Variants in TMEM109 observed in about 807,000 individuals in gnomAD.
TMEM109 encodes the protein voltage-gated monoatomic cation channel TMEM109.
In TMEM109, 19 loss-of-function variants were observed where a neutral mutation model predicts 26.4. The ratio of observed to expected loss-of-function variants is 0.72; its 90% CI spans 0.50 to 1.06. TMEM109 has a LOEUF of 1.06. TMEM109 is among the 50% of genes least tolerant of loss of function. TMEM109 has a pLI of 0.00. For synonymous variants in TMEM109, 129 were observed against 142.0 expected (o/e 0.91, Z 0.65); for missense variants, 262 against 303.4 (o/e 0.86, Z 1.01).
rs1856251059 is a variant in TMEM109, at chr11:60,922,152, TGGA to T, written c.727_729del (p.Glu243del). 2.0e-5 allele frequency: 32 copies of T among 1,593,684 alleles called. No individual in the cohort carries two copies. The highest frequency in any genetic ancestry group is 2.7e-5 in the Non-Finnish European group (32 of 1,170,268). ...CGAGCGGCCAAGGGGGCCCGCAGTGTGGAGGAGGAGTGAGCCGGATGCCCCACA... is the reference window on the plus strand; with the variant it reads ...CGAGCGGCCAAGGGGGCCCGCAGTGTGGAGGAGTGAGCCGGATGCCCCACA... On this transcript the variant is annotated inframe_deletion, in exon 4 of 4. Coordinates refer to ENST00000227525, the MANE Select transcript of TMEM109 (RefSeq NM_024092.3).
intron 2 of TMEM109, among the ~76,000 whole-genome samples, chr11:60,920,639 A>G (rs562889750): frequency 1.5e-4 from 23 of 152,194 alleles, no homozygotes; most frequent in Non-Finnish European, 2.5e-4. Context: ...TATGTCCCAG[A>G]TGCCCTAGTT....
rs1179966132 is a variant in TMEM109, at chr11:60,923,249, C to T, written c.*1084C>T. ...GTTAGGGGCCACTTTTCCTTTGAGGCTCTAGTGGAGGTGGATGTCCTTCTC... is the reference window on the plus strand; with the variant it reads ...GTTAGGGGCCACTTTTCCTTTGAGGTTCTAGTGGAGGTGGATGTCCTTCTC... On this transcript the variant is annotated 3_prime_UTR_variant, in exon 4 of 4. Transcript: ENST00000227525. The T allele has an allele frequency of 2.0e-5, 3 of 152,702 alleles. No homozygotes were observed. Among genetic ancestry groups the T allele is most frequent in the Non-Finnish European group, 4.4e-5 (3 of 68,058 alleles). 9.5% of individuals were successfully genotyped at this position (152,702 alleles called of 1,614,324 possible). A position where few individuals can be genotyped will look rare whatever the true frequency, so the allele number is the denominator to read the frequency against.
rs1856247671 is a variant in TMEM109 at position 60,922,048 on chromosome 11, C to G, written c.615C>G (p.Ser205=). ...CCCTGCTGAGCCGGCTCACTGGCTC[C>G]CGAGCCTCTGGGGCCCAACTCGAGG... The part of the protein sequence containing the change: ...LYALLSRLTG[S]RASGAQLEAK... Residue 205 remains serine (S), a synonymous_variant, in exon 4 of 4, where the codon TCC becomes TCG. Coordinates refer to ENST00000227525, the MANE Select transcript of TMEM109 (RefSeq NM_024092.3). 6.2e-7 allele frequency: 1 copy of G among 1,612,750 alleles called. No homozygotes were observed. Among genetic ancestry groups the G allele is most frequent in the Non-Finnish European group, 8.5e-7 (1 of 1,179,946 alleles).
intron 1 of TMEM109, among the ~76,000 whole-genome samples, chr11:60,916,694 G>A (rs1017056197): frequency 2.0e-5 from 3 of 152,226 alleles, no homozygotes; most frequent in African/African-American, 7.2e-5. Context: ...CAGAACATCA[G>A]TCTGCATAAC....
intron 1 of TMEM109, among the ~76,000 whole-genome samples, chr11:60,916,182 T>G (rs1007082315): frequency 1.3e-5 from 2 of 152,158 alleles, no homozygotes; most frequent in Non-Finnish European, 2.9e-5. Context: ...TGATCTTGGA[T>G]AAGTCACTCA....
In TMEM109 at chr11:60,920,943, C is replaced by T. The variant is rs375587740; in HGVS notation, c.295C>T (p.Leu99=). Residue 99 remains leucine, a synonymous_variant, in exon 3 of 4, where the codon CTG becomes TTG. Transcript: ENST00000227525. The stretch of plus-strand genomic sequence containing the variant: ...AGCCATTTCTGTGGCCTTCTTTGCT[C>T]TGTCTGGGATCGCCGCACAGCTGCT... The part of the protein sequence containing the change: ...SSAISVAFFA[L]SGIAAQLLNA... The T allele has an allele frequency of 6.2e-7, 1 of 1,614,200 alleles. No individual in the cohort carries two copies. Among genetic ancestry groups the T allele is most frequent in the Non-Finnish European group, 8.5e-7 (1 of 1,180,030 alleles).
At chr11:60,919,982 A>G in intron 2 of TMEM109, 52 bp downstream of exon 2, 2 of 1,530,208 alleles carry the variant, frequency 1.3e-6, no homozygotes, top group Non-Finnish European at 9.0e-7. Context: ...AAATAAAAGA[A>G]GAAAGGTTGG....
At chr11:60,917,831 T>C (rs1031463896) in intron 1 of TMEM109, among the ~76,000 whole-genome samples, 7 of 152,088 alleles carry the variant, frequency 4.6e-5, no homozygotes, top group Admixed American at 4.6e-4. Flanking sequence ...AATTTATTTA[T>C]TTATATTTAT....
In TMEM109 at chr11:60,920,915, A is replaced by T; in HGVS notation, c.267A>T (p.Ser89=). ...CGTCCCAAGTGTTGTGGGCCATCTC[A>T]TCAGCCATTTCTGTGGCCTTCTTTG... is the stretch of plus-strand genomic sequence containing the variant. ...ESSSQVLWAI[S]SAISVAFFAL... Residue 89 remains serine (S), a synonymous_variant, in exon 3 of 4, where the codon TCA becomes TCT. Coordinates refer to ENST00000227525, the MANE Select transcript of TMEM109 (RefSeq NM_024092.3). The T allele has an allele frequency of 6.2e-7, 1 of 1,613,660 alleles. No individual in the cohort carries two copies. Among genetic ancestry groups the T allele is most frequent in the Non-Finnish European group, 8.5e-7 (1 of 1,179,626 alleles).
intron 3 of TMEM109, 137 bp from the exon 4 acceptor site, chr11:60,921,637 C>T: frequency 1.4e-6 from 1 of 691,002 alleles, no homozygotes; most frequent in Admixed American, 2.4e-5. Flanking sequence ...AGATTCCAAC[C>T]CATATCACTC....
In TMEM109 at chr11:60,922,081, G is replaced by T; in HGVS notation, c.648G>T (p.Val216=). The change falls in exon 4 of 4, where the codon GTG becomes GTT. Residue 216 remains valine (V), a synonymous_variant. Transcript: ENST00000227525. ...CTGGGGCCCAACTCGAGGCCAAGGT[G>T]CGAGGGCTGGAACGCCAGGTGGAGG... ...RASGAQLEAK[V]RGLERQVEEL... 6.2e-7 allele frequency: 1 copy of T among 1,613,342 alleles called. No homozygotes were observed. Among genetic ancestry groups the T allele is most frequent in the Non-Finnish European group, 8.5e-7 (1 of 1,179,930 alleles).
At chr11:60,918,164 G>A (rs141184181) in intron 1 of TMEM109, among the ~76,000 whole-genome samples, 39 of 152,326 alleles carry the variant, frequency 2.6e-4, no homozygotes, top group East Asian at 7.7e-4. Context: ...TTAAATGAGC[G>A]CGGTGGTGCA....
At chr11:60,915,415 T>G (rs981811333) in intron 1 of TMEM109, among the ~76,000 whole-genome samples, 1 of 152,276 alleles carries the variant, frequency 6.6e-6, no homozygotes, top group Non-Finnish European at 1.5e-5. Context: ...GCTGCACTTT[T>G]GAAGCTTTGC....
rs764889781 is a variant in TMEM109, at chr11:60,919,716, C to T, written c.23C>T (p.Ser8Leu). Residue 8 changes from serine (S) to leucine (L), a missense_variant, in exon 2 of 4, where the codon TCA (serine) becomes TTA (leucine). Physicochemically the swap from Ser to Leu is moderately radical, Grantham distance 145. Transcript: ENST00000227525. ...GTCATGGCAGCCTCCAGCATCAGTT[C>T]ACCATGGGGAAAGCATGTGTTCAAA... is the stretch of plus-strand genomic sequence containing the variant. MAASSIS[S>L]PWGKHVFKAI... The T allele has an allele frequency of 6.2e-7, 1 of 1,614,196 alleles. No individual in the cohort carries two copies. The highest frequency in any genetic ancestry group is 8.5e-7 in the Non-Finnish European group (1 of 1,180,022).
At chr11:60,921,708 T>G in intron 3 of TMEM109, 66 bp from the exon 4 acceptor site, 1 of 1,301,800 alleles carries the variant, frequency 7.7e-7, no homozygotes. Flanking sequence ...CCCTTTTAGC[T>G]CTTGCCCCGC....
chr11:60,914,674 A>G (rs556891566), intron 1 of TMEM109, among the ~76,000 whole-genome samples: 1 of 152,268 alleles, frequency 6.6e-6, no homozygotes, highest in African/African-American at 2.4e-5. Flanking sequence ...CAGCGACGCT[A>G]CCCCTCAGCG....
intron 2 of TMEM109, 151 bp from the exon 3 acceptor site, chr11:60,920,735 G>C (rs960337355): frequency 1.6e-5 from 11 of 699,706 alleles, no homozygotes; most frequent in Non-Finnish European, 2.8e-5. Flanking sequence ...CCAGGCCCAA[G>C]GCCCCTACCC....
chr11:60,917,193 TCTC>T (rs1462523330), intron 1 of TMEM109, among the ~76,000 whole-genome samples: 7 of 152,272 alleles, frequency 4.6e-5, no homozygotes, highest in Non-Finnish European at 8.8e-5. Context: ...TTTCCTAGAC[TCTC>T]CTCCTTCCCC....
intron 1 of TMEM109, among the ~76,000 whole-genome samples, chr11:60,916,578 T>G (rs1350785670): frequency 6.6e-6 from 1 of 152,148 alleles, no homozygotes; most frequent in East Asian, 1.9e-4. Context: ...AGGAATCCTA[T>G]TAAAGAAAAC....
Sources: allele counts gnomAD v4.1 joint callset (sites outside exome capture counted in the v4.1 genomes callset), GRCh38; gene constraint gnomAD v4.1.1; transcripts MANE v1.5; gene names NCBI Gene and HGNC (gene_info 2026-07-23, HGNC 2026-07-21).